Variants in TMEM132D observed in about 807,000 individuals in gnomAD.
TMEM132D encodes transmembrane protein 132D.
In TMEM132D, 21 loss-of-function variants were observed where a neutral mutation model predicts 62.3. The observed-to-expected ratio is 0.34, with a 90% confidence interval of 0.24 to 0.49. The LOEUF (loss-of-function observed/expected upper bound fraction) is 0.49. Among genes scored for constraint, TMEM132D ranks in the 20% least tolerant of loss-of-function variants. The pLI is 0.99. For synonymous variants in TMEM132D, 621 were observed against 575.6 expected (o/e 1.08, Z -1.13); for missense variants, 1,346 against 1,402.8 (o/e 0.96, Z 0.65).
intron 2 of TMEM132D, among the ~76,000 whole-genome samples, chr12:129,672,086 T>C (rs1880513363): frequency 6.6e-6 from 1 of 152,156 alleles, no homozygotes; most frequent in Non-Finnish European, 1.5e-5. Flanking sequence ...TGAAGACAGA[T>C]TCATTTCATC....
Position 129,504,010 on chromosome 12 carries a change from GTCA to G in TMEM132D, c.1115+27046_1115+27048del, listed in dbSNP as rs200931341. 6.2e-3 allele frequency among the ~76,000 whole-genome samples: 891 copies of G among 144,714 alleles called. 3 individuals carry two copies. Among genetic ancestry groups the G allele is most frequent in the African/African-American group, 0.02 (765 of 38,474 alleles). The allele number at this position is 144,714 out of a possible 152,430, so 94.9% of individuals were successfully genotyped here. Reference sequence around the variant, plus strand: ...CATCATCATTATTGTCATCATTACTGTCATCATCATCACTATTGTCATCATCAT... The same window carrying G: ...CATCATCATTATTGTCATCATTACTGTCATCATCACTATTGTCATCATCAT... On this transcript the variant is annotated intron_variant, in intron 3 of 8. Coordinates refer to ENST00000422113, the MANE Select transcript of TMEM132D (RefSeq NM_133448.3).
chr12:129,331,691 T>G (rs1593339997), intron 4 of TMEM132D, among the ~76,000 whole-genome samples: 1 of 152,224 alleles, frequency 6.6e-6, no homozygotes, highest in Non-Finnish European at 1.5e-5. Context: ...GAAGAGGACT[T>G]GTAACTATGT....
intron 1 of TMEM132D, among the ~76,000 whole-genome samples, chr12:129,865,564 T>G (rs1874032911): frequency 6.6e-6 from 1 of 152,122 alleles, no homozygotes; most frequent in African/African-American, 2.4e-5. Context: ...TGAGCAGGCA[T>G]GGAGGGAATC....
intron 2 of TMEM132D, among the ~76,000 whole-genome samples, chr12:129,643,174 C>T (rs1879687601): frequency 6.6e-6 from 1 of 152,164 alleles, no homozygotes; most frequent in African/African-American, 2.4e-5. Context: ...CCACCCACCT[C>T]AAGCTCCCAA....
intron 3 of TMEM132D, among the ~76,000 whole-genome samples, chr12:129,430,658 T>C (rs1872629717): frequency 6.6e-6 from 1 of 152,122 alleles, no homozygotes; most frequent in Non-Finnish European, 1.5e-5. Flanking sequence ...GCCTCAGTTT[T>C]CTCATCTGTG....
chr12:129,341,979 T>G (rs1334178978), intron 3 of TMEM132D, among the ~76,000 whole-genome samples: 1 of 152,120 alleles, frequency 6.6e-6, no homozygotes, highest in East Asian at 1.9e-4. Context: ...AGAATCAATA[T>G]CGTGAAAATG....
chr12:129,704,458 C>T (rs1881455474), intron 1 of TMEM132D, among the ~76,000 whole-genome samples: 1 of 152,228 alleles, frequency 6.6e-6, no homozygotes, highest in African/African-American at 2.4e-5. Context: ...AACATCAAGG[C>T]GTCTTGCTGA....
At chr12:129,474,820 C>T (rs976614488) in intron 3 of TMEM132D, among the ~76,000 whole-genome samples, 10 of 152,092 alleles carry the variant, frequency 6.6e-5, no homozygotes, top group Admixed American at 2.0e-4. Flanking sequence ...TTTCTGGAAG[C>T]GATGACATTG....
intron 3 of TMEM132D, among the ~76,000 whole-genome samples, chr12:129,369,113 G>A (rs1220853437): frequency 6.6e-6 from 1 of 152,178 alleles, no homozygotes; most frequent in East Asian, 1.9e-4. Context: ...AAAGTTTAAA[G>A]GCTATTCGAC....
chr12:129,374,635 G>A (rs1370461795), intron 3 of TMEM132D, among the ~76,000 whole-genome samples: 4 of 152,162 alleles, frequency 2.6e-5, no homozygotes, highest in Admixed American at 1.3e-4. Context: ...CAAGGGCTGT[G>A]CTAGACATTT....
chr12:129,872,528 C>G (rs993044315), intron 1 of TMEM132D, among the ~76,000 whole-genome samples: 1 of 152,160 alleles, frequency 6.6e-6, no homozygotes, highest in African/African-American at 2.4e-5. Context: ...AATGTTCTAT[C>G]AAGTCTAAAA....
At chr12:129,170,466 C>T (rs1877688867) in intron 5 of TMEM132D, among the ~76,000 whole-genome samples, 1 of 152,142 alleles carries the variant, frequency 6.6e-6, no homozygotes, top group Non-Finnish European at 1.5e-5. Flanking sequence ...TAACACTATA[C>T]TGTAGTCTAC....
rs544956906 is a variant in TMEM132D at position 129,073,620 on chromosome 12, C to T, written c.*255G>A. On this transcript the variant is annotated 3_prime_UTR_variant, in exon 9 of 9. Transcript: ENST00000422113. ...CTCAGACGCTCAGTGATTCAGAACT[C>T]GTTTTTGTTTCAAGTCTTAAAAATC... 5.1e-5 allele frequency: 20 copies of T among 390,184 alleles called. No homozygotes were observed. The South Asian group carries it at 1.3e-3, about 26-fold the overall frequency. The allele number at this position is 390,184 out of a possible 1,614,324, so 24.2% of individuals were successfully genotyped here.
At chr12:129,429,125 G>A (rs1872578651) in intron 3 of TMEM132D, among the ~76,000 whole-genome samples, 1 of 96,264 alleles carries the variant, frequency 1.0e-5, no homozygotes, top group Non-Finnish European at 2.7e-5. Context: ...ACTCACTGTA[G>A]TCCAAAATCC....
chr12:129,207,819 G>T (rs1878899826), intron 5 of TMEM132D, among the ~76,000 whole-genome samples: 1 of 152,150 alleles, frequency 6.6e-6, no homozygotes, highest in African/African-American at 2.4e-5. Flanking sequence ...GGTCCACGTG[G>T]CCATTTAATA....
chr12:129,274,606 G>C (rs1434520516), intron 4 of TMEM132D, among the ~76,000 whole-genome samples: 1 of 152,138 alleles, frequency 6.6e-6, no homozygotes, highest in Non-Finnish European at 1.5e-5. Context: ...CAATTATTTG[G>C]CCGGGTGCAG....
At chr12:129,895,705 C>T (rs558309128) in intron 1 of TMEM132D, among the ~76,000 whole-genome samples, 3 of 152,236 alleles carry the variant, frequency 2.0e-5, no homozygotes, top group African/African-American at 2.4e-5. Context: ...AATATATTCA[C>T]GAAGTCAATC....
chr12:129,817,148 G>C (rs925566291), intron 1 of TMEM132D, among the ~76,000 whole-genome samples: 1 of 152,212 alleles, frequency 6.6e-6, no homozygotes, highest in Non-Finnish European at 1.5e-5. Context: ...AATATGCAAT[G>C]GCTGCAGTCA....
At chr12:129,082,569 C>T (rs11060123) in intron 6 of TMEM132D, among the ~76,000 whole-genome samples, 4,728 of 152,202 alleles carry the variant, frequency 0.031, 296 homozygotes, top group East Asian at 0.17. Flanking sequence ...AGCCAGCAAC[C>T]GCACGAGTGA....
Sources: allele counts gnomAD v4.1 joint callset (sites outside exome capture counted in the v4.1 genomes callset), GRCh38; gene constraint gnomAD v4.1.1; transcripts MANE v1.5; gene names NCBI Gene and HGNC (gene_info 2026-07-23, HGNC 2026-07-21).